The following SERGEF variants were observed in gnomAD, a reference collection of about 807,000 sequenced individuals.
SERGEF encodes the protein secretion regulating guanine nucleotide exchange factor, also known as secretion-regulating guanine nucleotide exchange factor.
SERGEF carries 51 observed loss-of-function variants against 50.0 expected under a neutral mutation model. The observed-to-expected ratio is 1.02, with a 90% CI of 0.81 to 1.29. SERGEF has a LOEUF of 1.29. Ranked by LOEUF, SERGEF falls within the 50% of genes most tolerant of loss-of-function variation. The pLI, the probability that SERGEF is intolerant of heterozygous loss-of-function variation, is 0.00. For synonymous variants in SERGEF, 205 were observed against 212.4 expected, an observed-to-expected ratio of 0.97 and a Z score of 0.30; for missense variants, 521 against 557.0, an observed-to-expected ratio of 0.94 and a Z score of 0.65.
chr11:17,995,551 C>A (rs1313347503), intron 6 of SERGEF, among the ~76,000 whole-genome samples: 2 of 152,130 alleles, frequency 1.3e-5, no homozygotes, highest in Non-Finnish European at 2.9e-5. Context: ...CTAGAGTTAC[C>A]ATTTCAATCT....
intron 9 of SERGEF, among the ~76,000 whole-genome samples, chr11:17,896,564 GGGAAGGGGAA>G (rs1462244677): frequency 7.5e-5 from 6 of 80,176 alleles, no homozygotes; most frequent in South Asian, 5.4e-4. Context: ...GGGAAGGGAA[GGGAAGGGGAA>G]GGGAAGGGAA....
intron 10 of SERGEF, among the ~76,000 whole-genome samples, chr11:17,824,787 T>G (rs907400783): frequency 6.6e-6 from 1 of 152,206 alleles, no homozygotes; most frequent in African/African-American, 2.4e-5. Context: ...GCTCCATCCT[T>G]AAGACCTCAC....
At chr11:17,837,155 C>A (rs1044289997) in intron 10 of SERGEF, among the ~76,000 whole-genome samples, 10 of 152,158 alleles carry the variant, frequency 6.6e-5, no homozygotes, top group Non-Finnish European at 1.3e-4. Flanking sequence ...TTCTTCCTTA[C>A]CACACCCCAC....
chr11:17,921,973 T>A (rs1427464089), intron 9 of SERGEF, among the ~76,000 whole-genome samples: 1 of 152,064 alleles, frequency 6.6e-6, no homozygotes, highest in African/African-American at 2.4e-5. Context: ...TAGCCCACTT[T>A]CCCTAGTGCA....
chr11:17,962,380 T>A (rs1853022870), intron 8 of SERGEF, among the ~76,000 whole-genome samples: 1 of 152,116 alleles, frequency 6.6e-6, no homozygotes, highest in African/African-American at 2.4e-5. Flanking sequence ...AAAATGCTCA[T>A]TAATACACTG....
At chr11:17,810,389 C>G (rs1849845398) in intron 10 of SERGEF, among the ~76,000 whole-genome samples, 1 of 152,222 alleles carries the variant, frequency 6.6e-6, no homozygotes, top group South Asian at 2.1e-4. Context: ...CCTAGCCTAG[C>G]CTTCAAGGCT....
chr11:17,923,872 C>G (rs186957592), intron 9 of SERGEF, among the ~76,000 whole-genome samples: 5 of 152,350 alleles, frequency 3.3e-5, no homozygotes, highest in Non-Finnish European at 7.3e-5. Flanking sequence ...CCTGCTACAT[C>G]ACAAGCTCCT....
At chr11:17,871,257 G>C (rs898790189) in intron 10 of SERGEF, among the ~76,000 whole-genome samples, 1 of 152,040 alleles carries the variant, frequency 6.6e-6, no homozygotes, top group Non-Finnish European at 1.5e-5. Context: ...TCAGGAGATA[G>C]AGACCAACCT....
intron 9 of SERGEF, among the ~76,000 whole-genome samples, chr11:17,890,966 T>C (rs1851522937): frequency 6.6e-6 from 1 of 152,194 alleles, no homozygotes; most frequent in African/African-American, 2.4e-5. Context: ...CATTGGAATA[T>C]AAGCCAGAGA....
chr11:17,861,960 A>G (rs1011331994), intron 10 of SERGEF, among the ~76,000 whole-genome samples: 1 of 152,222 alleles, frequency 6.6e-6, no homozygotes, highest in African/African-American at 2.4e-5. Context: ...AGCTTCTAAA[A>G]ATAGATCAAA....
chr11:17,937,265 C>T (rs1227517183), intron 9 of SERGEF, among the ~76,000 whole-genome samples: 1 of 152,178 alleles, frequency 6.6e-6, no homozygotes, highest in Non-Finnish European at 1.5e-5. Context: ...GGCATGGTGG[C>T]TCACGCCTAT....
intron 10 of SERGEF, among the ~76,000 whole-genome samples, chr11:17,815,282 T>C (rs138982291): frequency 1.3e-5 from 2 of 152,140 alleles, no homozygotes; most frequent in East Asian, 3.9e-4. Context: ...TCTATATAAA[T>C]ACTTCGGGGT....
chr11:17,990,844 G>A (rs1163853532), intron 7 of SERGEF, among the ~76,000 whole-genome samples: 4 of 151,516 alleles, frequency 2.6e-5, no homozygotes, highest in South Asian at 2.1e-4. Flanking sequence ...TCGGCTCACT[G>A]CAACCTCCGT....
intron 9 of SERGEF, among the ~76,000 whole-genome samples, chr11:17,947,071 A>G (rs1365856985): frequency 6.6e-6 from 1 of 152,246 alleles, no homozygotes; most frequent in Non-Finnish European, 1.5e-5. Flanking sequence ...ACATGGGATA[A>G]TCAGATGTTA....
At chr11:18,004,417 A>C (rs1319496375) in intron 4 of SERGEF, 24 bp downstream of exon 4, 2 of 1,561,744 alleles carry the variant, frequency 1.3e-6, no homozygotes, top group African/African-American at 2.7e-5. Flanking sequence ...GGTCATGGGC[A>C]AGCTAAATAT....
intron 9 of SERGEF, among the ~76,000 whole-genome samples, chr11:17,915,315 C>T (rs928189368): frequency 3.9e-5 from 6 of 152,144 alleles, no homozygotes; most frequent in Non-Finnish European, 8.8e-5. Flanking sequence ...TGGCATATTT[C>T]CTGCGACTAG....
At chr11:17,987,762 A>G (rs1029632475) in intron 8 of SERGEF, among the ~76,000 whole-genome samples, 2 of 152,224 alleles carry the variant, frequency 1.3e-5, no homozygotes, top group Non-Finnish European at 1.5e-5. Context: ...AACTTCTGAA[A>G]TAAGAGTCAC....
At chr11:17,974,741 T>G (rs1460566558) in intron 8 of SERGEF, among the ~76,000 whole-genome samples, 1 of 152,190 alleles carries the variant, frequency 6.6e-6, no homozygotes, top group East Asian at 1.9e-4. Flanking sequence ...AAGGATAAAA[T>G]GGTCCCTTCT....
chr11:17,796,736 T>G (rs549019603), intron 10 of SERGEF, among the ~76,000 whole-genome samples: 1 of 152,122 alleles, frequency 6.6e-6, no homozygotes, highest in African/African-American at 2.4e-5. Context: ...TCCATCACTC[T>G]CCAGGGCCAA....
Sources: allele counts gnomAD v4.1 joint callset (sites outside exome capture counted in the v4.1 genomes callset), GRCh38; gene constraint gnomAD v4.1.1; transcripts MANE v1.5; gene names NCBI Gene and HGNC (gene_info 2026-07-23, HGNC 2026-07-21).